The following PTPRK variants were observed in gnomAD, a reference collection of about 807,000 sequenced individuals.
PTPRK encodes receptor-type tyrosine-protein phosphatase kappa.
A neutral mutation model predicts 178.0 loss-of-function variants in PTPRK; 75 were observed. The observed-to-expected ratio is 0.42, with a 90% CI of 0.35 to 0.51. PTPRK has a LOEUF of 0.51. PTPRK is among the 20% of genes least tolerant of loss of function. The probability of loss-of-function intolerance (pLI) is 0.02; values close to 1 mark genes in which losing one functional copy is unlikely to be tolerated. For missense variants in PTPRK, 1,441 were observed against 1,797.8 expected (o/e 0.80, Z 3.59); for synonymous variants, 637 against 620.6 (o/e 1.03, Z -0.39).
intron 1 of PTPRK, among the ~76,000 whole-genome samples, chr6:128,485,626 G>A (rs560374097): frequency 2.0e-4 from 30 of 152,266 alleles, no homozygotes; most frequent in Admixed American, 1.5e-3. Context: ...CTGTCCCCAT[G>A]AGGAATGCTA....
chr6:128,344,361 T>C (rs1832106802), intron 2 of PTPRK, among the ~76,000 whole-genome samples: 1 of 152,176 alleles, frequency 6.6e-6, no homozygotes, highest in South Asian at 2.1e-4. Context: ...TCAAGTTACA[T>C]CAGGATTCTT....
intron 19 of PTPRK, among the ~76,000 whole-genome samples, chr6:127,991,926 G>A (rs9402015): frequency 4.0e-5 from 6 of 151,726 alleles, no homozygotes; most frequent in Middle Eastern, 3.4e-3. Flanking sequence ...CACTATGGTC[G>A]ATCTTTCTAA....
At chr6:128,500,089 T>G (rs936367254) in intron 1 of PTPRK, among the ~76,000 whole-genome samples, 3 of 152,166 alleles carry the variant, frequency 2.0e-5, no homozygotes, top group African/African-American at 7.2e-5. Flanking sequence ...AGGCAAGACA[T>G]GTAAATGGCC....
intron 1 of PTPRK, among the ~76,000 whole-genome samples, chr6:128,450,068 A>G (rs1245899250): frequency 6.6e-6 from 1 of 151,296 alleles, no homozygotes; most frequent in African/African-American, 2.4e-5. Flanking sequence ...CAGCAAGCTG[A>G]GATCACGCCA....
intron 7 of PTPRK, among the ~76,000 whole-genome samples, chr6:128,144,155 C>T (rs1796154974): frequency 6.6e-6 from 1 of 152,152 alleles, no homozygotes; most frequent in East Asian, 1.9e-4. Context: ...AGGTGGCCCT[C>T]TTCCCTTCCT....
intron 29 of PTPRK, 21 bp from the exon 30 acceptor site, chr6:127,970,301 A>G: frequency 6.3e-7 from 1 of 1,599,736 alleles, no homozygotes; most frequent in Non-Finnish European, 8.5e-7. Flanking sequence ...TCAAAACACA[A>G]AGAGTGAGAA....
intron 3 of PTPRK, among the ~76,000 whole-genome samples, chr6:128,299,131 G>C (rs1825069237): frequency 6.6e-6 from 1 of 152,112 alleles, no homozygotes; most frequent in Non-Finnish European, 1.5e-5. Context: ...TTGCTTCAAA[G>C]AGAATAAAAT....
chr6:128,371,911 T>C (rs1182858666), intron 2 of PTPRK, among the ~76,000 whole-genome samples: 12 of 151,832 alleles, frequency 7.9e-5, no homozygotes, highest in Non-Finnish European at 1.5e-4. Flanking sequence ...GAGAAGCCAT[T>C]CCAGATTTCA....
chr6:128,246,780 G>A (rs1197055115), intron 3 of PTPRK, among the ~76,000 whole-genome samples: 3 of 152,162 alleles, frequency 2.0e-5, no homozygotes, highest in African/African-American at 7.2e-5. Flanking sequence ...GGCCAGCCTG[G>A]GAGCAGAATG....
At chr6:128,008,368 A>G (rs1486311997) in intron 14 of PTPRK, among the ~76,000 whole-genome samples, 1 of 151,020 alleles carries the variant, frequency 6.6e-6, no homozygotes. Flanking sequence ...TTGTAGCATT[A>G]ACCCAAATAC....
chr6:128,350,127 G>A (rs781592631), intron 2 of PTPRK, among the ~76,000 whole-genome samples: 7 of 152,102 alleles, frequency 4.6e-5, no homozygotes, highest in Non-Finnish European at 4.4e-5. Flanking sequence ...GGCAGAAGGG[G>A]AGAAATAAAA....
intron 4 of PTPRK, among the ~76,000 whole-genome samples, chr6:128,242,128 C>T (rs747595682): frequency 6.6e-6 from 1 of 152,040 alleles, no homozygotes; most frequent in African/African-American, 2.4e-5. Context: ...CAGCCCTCAA[C>T]TCAGATCAAA....
At chr6:128,104,322 G>A (rs1789302997) in intron 7 of PTPRK, among the ~76,000 whole-genome samples, 1 of 152,104 alleles carries the variant, frequency 6.6e-6, no homozygotes, top group Non-Finnish European at 1.5e-5. Flanking sequence ...CACCTCCCAG[G>A]TTCTCGCCAT....
intron 2 of PTPRK, among the ~76,000 whole-genome samples, chr6:128,345,845 T>A (rs746676044): frequency 6.6e-6 from 1 of 152,174 alleles, no homozygotes; most frequent in Non-Finnish European, 1.5e-5. Context: ...AGATAATGAA[T>A]CTAAATGTAT....
chr6:128,236,050 A>G (rs1178408573), intron 5 of PTPRK, among the ~76,000 whole-genome samples: 1 of 152,078 alleles, frequency 6.6e-6, no homozygotes, highest in Non-Finnish European at 1.5e-5. Context: ...ATAGGTATGT[A>G]TATATAGGAA....
intron 6 of PTPRK, among the ~76,000 whole-genome samples, chr6:128,188,730 C>T (rs771102436): frequency 2.0e-4 from 30 of 152,110 alleles, no homozygotes; most frequent in South Asian, 4.1e-4. Flanking sequence ...GTCAGAAGGC[C>T]GTACTTCCTA....
intron 1 of PTPRK, among the ~76,000 whole-genome samples, chr6:128,429,479 T>C (rs926246094): frequency 1.5e-4 from 23 of 152,172 alleles, no homozygotes; most frequent in Non-Finnish European, 2.5e-4. Flanking sequence ...CTTCTTGGCT[T>C]TTTGATAAAA....
chr6:128,449,800 G>A (rs1847520851), intron 1 of PTPRK, among the ~76,000 whole-genome samples: 1 of 151,990 alleles, frequency 6.6e-6, no homozygotes, highest in Non-Finnish European at 1.5e-5. Flanking sequence ...ATCAGACAAA[G>A]AACTCTATAA....
Position 128,286,639 on chromosome 6 carries a change from T to C in PTPRK, c.495+35400A>G, listed in dbSNP as rs1159186369. 3.3e-5 allele frequency among the ~76,000 whole-genome samples: 5 copies of C among 152,192 alleles called. No individual in the cohort carries two copies. In the South Asian group the frequency reaches 1.0e-3, roughly 31 times the overall value. ...TTTGCAGGTATGTTTCCATGGATTG[T>C]TTCCCACCACTAGCTACAGTTCATG... On this transcript the variant is annotated intron_variant, in intron 3 of 29. Coordinates refer to ENST00000368226, the MANE Select transcript of PTPRK (RefSeq NM_002844.4).
Sources: allele counts gnomAD v4.1 joint callset (sites outside exome capture counted in the v4.1 genomes callset), GRCh38; gene constraint gnomAD v4.1.1; transcripts MANE v1.5; gene names NCBI Gene and HGNC (gene_info 2026-07-23, HGNC 2026-07-21).